The following MYCBP2 variants were observed in gnomAD, a reference collection of about 807,000 sequenced individuals.
MYCBP2 encodes the protein MYC binding protein 2, also known as E3 ubiquitin-protein ligase MYCBP2.
In MYCBP2, 120 loss-of-function variants were observed where a neutral mutation model predicts 525.3. The ratio of observed to expected loss-of-function variants is 0.23; its 90% CI spans 0.20 to 0.27. The LOEUF (loss-of-function observed/expected upper bound fraction) is 0.27, where lower values mean the gene tolerates loss of function less well. Among genes scored for constraint, MYCBP2 ranks in the 10% least tolerant of loss-of-function variants. The pLI is 1.00. For synonymous variants in MYCBP2, 1,894 were observed against 1,955.8 expected, an observed-to-expected ratio of 0.97 and a Z score of 0.83; for missense variants, 4,149 against 5,657.1, an observed-to-expected ratio of 0.73 and a Z score of 8.55.
chr13:77,199,582 G>C (rs893265121), intron 26 of MYCBP2, among the ~76,000 whole-genome samples: 5 of 151,934 alleles, frequency 3.3e-5, no homozygotes, highest in African/African-American at 1.2e-4. Flanking sequence ...CTCCACCTCT[G>C]GGGGCAGGGC....
chr13:77,048,383 G>A (rs1000484121), intron 82 of MYCBP2, among the ~76,000 whole-genome samples: 4 of 152,168 alleles, frequency 2.6e-5, no homozygotes, highest in African/African-American at 9.7e-5. Flanking sequence ...TTTTGTTATA[G>A]CAGCTTGAAT....
At chr13:77,110,367 A>G (rs888612796) in intron 55 of MYCBP2, among the ~76,000 whole-genome samples, 8 of 151,968 alleles carry the variant, frequency 5.3e-5, no homozygotes, top group Non-Finnish European at 1.2e-4. Flanking sequence ...GAAGGCGGGG[A>G]AAAAACCCCA....
At position 77,125,583 on chromosome 13, in the gene MYCBP2, C is replaced by G. The variant is rs75692080; in HGVS notation, c.7885-115G>C. ...GTGTAATCATTCCAATACATTTCTA[C>G]TAAGAAATTAGTTTCTGAAATTAAG... is the stretch of plus-strand genomic sequence containing the variant. On this transcript the variant is annotated intron_variant, in intron 53 of 82. Transcript: ENST00000544440. 3,291 of 1,140,310 alleles carry G rather than the reference C, an allele frequency of 2.9e-3. 74 individuals are homozygous for G. In the African/African-American group the frequency reaches 0.046, roughly 16 times the overall value. The allele number at this position is 1,140,310 out of a possible 1,614,324, so 70.6% of individuals were successfully genotyped here.
At position 77,098,911 on chromosome 13, in the gene MYCBP2, A is replaced by C; in HGVS notation, c.8243T>G (p.Met2748Arg). ...CTTCTGATCAGCAGTAGTCCGGCTC[A>C]TACGTCCATCAGGTTTAAGCGATCT... Reference protein sequence around the residue: ...HSRSLKPDGRMSRTTADQKKP... With the variant: ...HSRSLKPDGRRSRTTADQKKP... The change falls in exon 56 of 83, where the codon ATG becomes AGG. Residue 2748 changes from methionine (M) to arginine (R), a missense_variant. By Grantham distance (91) the Met-to-Arg change is moderately conservative (BLOSUM62 -1). Transcript: ENST00000544440. 3 of 1,613,726 alleles carry C rather than the reference A, an allele frequency of 1.9e-6. No individual in the cohort carries two copies. Among genetic ancestry groups the C allele is most frequent in the Non-Finnish European group, 2.5e-6 (3 of 1,179,770 alleles).
At chr13:77,141,856 A>C (rs551000997) in intron 49 of MYCBP2, among the ~76,000 whole-genome samples, 1 of 152,030 alleles carries the variant, frequency 6.6e-6, no homozygotes, top group Non-Finnish European at 1.5e-5. Flanking sequence ...TATTATAACT[A>C]TTCTAGTGAA....
intron 26 of MYCBP2, among the ~76,000 whole-genome samples, chr13:77,203,793 G>T (rs1220329342): frequency 6.6e-6 from 1 of 151,782 alleles, no homozygotes; most frequent in African/African-American, 2.4e-5. Flanking sequence ...CAAGAAATGG[G>T]GAAAGGATTC....
intron 1 of MYCBP2, among the ~76,000 whole-genome samples, chr13:77,312,382 C>A (rs1236827436): frequency 6.6e-6 from 1 of 152,038 alleles, no homozygotes; most frequent in Non-Finnish European, 1.5e-5. Context: ...ACAACAAAAA[C>A]TATAACATTG....
At chr13:77,168,778 A>G in intron 39 of MYCBP2, 132 bp from the exon 40 acceptor site, 3 of 723,122 alleles carry the variant, frequency 4.1e-6, no homozygotes, top group Admixed American at 2.9e-5. Flanking sequence ...GTTTTTGTCC[A>G]AAGAGAAATC....
chr13:77,286,791 T>A (rs868647070), intron 3 of MYCBP2, among the ~76,000 whole-genome samples: 99 of 71,002 alleles, frequency 1.4e-3, no homozygotes, highest in African/African-American at 2.2e-3. Context: ...AAAAAAAAAA[T>A]ATATATATAT....
intron 1 of MYCBP2, among the ~76,000 whole-genome samples, chr13:77,305,511 T>C (rs2079301484): frequency 6.6e-6 from 1 of 152,086 alleles, no homozygotes. Context: ...CAGGAAGTAG[T>C]AGTTGCCAAA....
At chr13:77,239,696 G>A (rs914717473) in intron 17 of MYCBP2, among the ~76,000 whole-genome samples, 3 of 152,190 alleles carry the variant, frequency 2.0e-5, no homozygotes, top group Non-Finnish European at 4.4e-5. Flanking sequence ...CTGAAGTGGG[G>A]CCTGAGAACT....
chr13:77,058,011 T>C lies in MYCBP2; in HGVS notation c.13329+207A>G, dbSNP rs1290432032. Among the ~76,000 whole-genome samples, 1 of 151,984 alleles carries C rather than the reference T, an allele frequency of 6.6e-6. No homozygotes were observed. The highest frequency in any genetic ancestry group is 6.6e-5 in the Admixed American group (1 of 15,266). On this transcript the variant is annotated intron_variant, in intron 78 of 82. Transcript: ENST00000544440. The surrounding 1 kb of genome is among the most constrained non-coding windows in gnomAD (Gnocchi z 4.1). ...CACCACCACGCCCAGCTAATTTTTT[T>C]GTATTTTTGTAGTAGAGACGGGGTC...
chr13:77,079,443 C>T (rs886227675), intron 65 of MYCBP2, among the ~76,000 whole-genome samples: 1 of 152,068 alleles, frequency 6.6e-6, no homozygotes, highest in African/African-American at 2.4e-5. Context: ...AAACTAGTGT[C>T]AAATATCTTA....
chr13:77,313,411 A>G (rs529710568), intron 1 of MYCBP2, among the ~76,000 whole-genome samples: 1 of 152,100 alleles, frequency 6.6e-6, no homozygotes, highest in Admixed American at 6.5e-5. Context: ...GAAAGCCAAA[A>G]GTTGGTTCTT....
intron 70 of MYCBP2, among the ~76,000 whole-genome samples, 157 bp downstream of exon 70, chr13:77,068,408 T>TAAAAAAAAAAAAAAAAAAAAAAAAAAAA (rs57296816): frequency 4.1e-5 from 6 of 145,974 alleles, no homozygotes; most frequent in Admixed American, 6.8e-5. Flanking sequence ...CTATAAACAG[T>TAAAAAAAAAAAAAAAAAAAAAAAAAAAA]AAAAAAGGGA....
At chr13:77,147,118 A>G (rs975224709) in intron 47 of MYCBP2, among the ~76,000 whole-genome samples, 13 of 152,168 alleles carry the variant, frequency 8.5e-5, no homozygotes, top group African/African-American at 2.7e-4. Context: ...GATACATACA[A>G]TACGATATTA....
Position 77,083,144 on chromosome 13 carries a change from C to G in MYCBP2, c.10924G>C (p.Ala3642Pro), listed in dbSNP as rs2043596915. The change falls in exon 63 of 83, where the codon GCC becomes CCC. Residue 3642 changes from alanine (A) to proline (P), a missense_variant. Physicochemically the swap from Ala to Pro is conservative, Grantham distance 27 (BLOSUM62 -1). Transcript: ENST00000544440. ...GGTAAAGGATGAGCAGCTTCCCCGG[C>G]AATCACTATGTCTGAGAGTGGATGT... The part of the protein sequence containing the change: ...CEHPLSDIVI[A>P]GEAAHPLPHT... 1 of 1,613,482 alleles carries G rather than the reference C, an allele frequency of 6.2e-7. No individual in the cohort carries two copies. The highest frequency in any genetic ancestry group is 8.5e-7 in the Non-Finnish European group (1 of 1,179,600).
At chr13:77,256,919 G>C (rs923307021) in intron 14 of MYCBP2, among the ~76,000 whole-genome samples, 1 of 152,136 alleles carries the variant, frequency 6.6e-6, no homozygotes, top group African/African-American at 2.4e-5. Context: ...ACATCAAAGA[G>C]ATATCTGCAC....
At chr13:77,213,096 A>G (rs1458534270) in intron 21 of MYCBP2, among the ~76,000 whole-genome samples, 1 of 152,228 alleles carries the variant, frequency 6.6e-6, no homozygotes, top group Non-Finnish European at 1.5e-5. Context: ...ACATGATTAG[A>G]GAAGCAGCCA....
Sources: allele counts gnomAD v4.1 joint callset (sites outside exome capture counted in the v4.1 genomes callset), GRCh38; gene constraint gnomAD v4.1.1; non-coding constraint Gnocchi (gnomAD v3.1); transcripts MANE v1.5; gene names NCBI Gene and HGNC (gene_info 2026-07-23, HGNC 2026-07-21).